The following AP3B1 variants were observed in gnomAD, a reference collection of about 807,000 sequenced individuals.
AP3B1 encodes AP-3 complex subunit beta-1.
Under a neutral mutation model 132.5 loss-of-function variants are expected in AP3B1, and 61 were observed. The observed-to-expected ratio is 0.46, with a 90% CI of 0.37 to 0.57. The LOEUF is 0.57. Among genes scored for constraint, AP3B1 ranks in the 20% least tolerant of loss-of-function variants. The pLI is 0.00. For missense variants in AP3B1, 1,120 were observed against 1,289.4 expected, an observed-to-expected ratio of 0.87 and a Z score of 2.01; for synonymous variants, 388 against 438.3, an observed-to-expected ratio of 0.89 and a Z score of 1.43.
intron 2 of AP3B1, among the ~76,000 whole-genome samples, chr5:78,251,420 CAGA>C (rs1303740397): frequency 6.6e-6 from 1 of 152,174 alleles, no homozygotes; most frequent in African/African-American, 2.4e-5. Flanking sequence ...GAAAGAAGCA[CAGA>C]AGAGATTAAA....
intron 2 of AP3B1, among the ~76,000 whole-genome samples, chr5:78,252,550 T>C (rs759593120): frequency 6.6e-5 from 10 of 152,128 alleles, no homozygotes; most frequent in African/African-American, 2.2e-4. Flanking sequence ...TTAAGAGACC[T>C]TGGGCGTTAA....
intron 7 of AP3B1, among the ~76,000 whole-genome samples, chr5:78,195,647 G>A (rs960424236): frequency 7.9e-5 from 12 of 151,954 alleles, no homozygotes; most frequent in Non-Finnish European, 1.2e-4. Context: ...GTAAAACCCT[G>A]TCTCTAATAA....
chr5:78,004,163 T>C (rs1281351005), intron 26 of AP3B1, among the ~76,000 whole-genome samples: 1 of 152,136 alleles, frequency 6.6e-6, no homozygotes, highest in South Asian at 2.1e-4. Context: ...CTGCCTCAAT[T>C]TGCGCAACAT....
At chr5:78,057,418 T>C (rs1215538721) in intron 22 of AP3B1, among the ~76,000 whole-genome samples, 1 of 152,138 alleles carries the variant, frequency 6.6e-6, no homozygotes, top group Non-Finnish European at 1.5e-5. Flanking sequence ...ACAGTAATCT[T>C]TGAAAAAAAG....
intron 22 of AP3B1, among the ~76,000 whole-genome samples, chr5:78,076,460 TAA>T (rs1749772195): frequency 6.6e-6 from 1 of 152,224 alleles, no homozygotes; most frequent in African/African-American, 2.4e-5. Context: ...TCCCCAGTGA[TAA>T]AAGTGTCTTT....
chr5:78,117,019 T>G (rs1373790621), intron 17 of AP3B1, among the ~76,000 whole-genome samples: 2 of 151,954 alleles, frequency 1.3e-5, no homozygotes, highest in East Asian at 3.9e-4. Flanking sequence ...TCCACAACTG[T>G]CCCCGTCGCC....
At chr5:78,092,238 A>G (rs934130071) in intron 21 of AP3B1, among the ~76,000 whole-genome samples, 2 of 152,254 alleles carry the variant, frequency 1.3e-5, no homozygotes, top group Non-Finnish European at 2.9e-5. Context: ...GCTAAATACC[A>G]TCAAGAGACA....
intron 5 of AP3B1, among the ~76,000 whole-genome samples, chr5:78,226,768 G>A (rs4524490): frequency 0.33 from 50,708 of 151,866 alleles, 8,574 homozygotes; most frequent in Middle Eastern, 0.43. Flanking sequence ...CCAAATTGTT[G>A]TAGACAATTC....
intron 14 of AP3B1, among the ~76,000 whole-genome samples, chr5:78,145,233 T>C (rs1188743108): frequency 1.3e-5 from 2 of 152,248 alleles, no homozygotes; most frequent in Non-Finnish European, 2.9e-5. Context: ...ATAAAATCTA[T>C]GTTCTCTTTT....
chr5:78,075,272 T>C (rs913644378), intron 22 of AP3B1, among the ~76,000 whole-genome samples: 3 of 152,196 alleles, frequency 2.0e-5, no homozygotes, highest in African/African-American at 7.2e-5. Flanking sequence ...TCAATCACAA[T>C]AGTTACTATT....
chr5:78,113,645 T>C, intron 19 of AP3B1, 107 bp downstream of exon 19: 2 of 1,270,626 alleles, frequency 1.6e-6, no homozygotes, highest in East Asian at 2.3e-5. Flanking sequence ...TGGAAAAAAA[T>C]ACACACTTTT....
At chr5:78,195,514 T>G (rs533383467) in intron 7 of AP3B1, among the ~76,000 whole-genome samples, 22 of 152,252 alleles carry the variant, frequency 1.4e-4, no homozygotes, top group Non-Finnish European at 2.9e-4. Flanking sequence ...CAACAAATGA[T>G]GCTGGAACAA....
intron 18 of AP3B1, among the ~76,000 whole-genome samples, chr5:78,114,220 T>C (rs1273210827): frequency 6.6e-6 from 1 of 152,164 alleles, no homozygotes; most frequent in Non-Finnish European, 1.5e-5. Flanking sequence ...CCCCAAAGTA[T>C]ATAGCTATGT....
intron 21 of AP3B1, among the ~76,000 whole-genome samples, chr5:78,096,020 C>G (rs540063098): frequency 6.6e-6 from 1 of 152,180 alleles, no homozygotes; most frequent in Non-Finnish European, 1.5e-5. Context: ...GTCCCTCTCC[C>G]TTTCCCTCTC....
intron 17 of AP3B1, among the ~76,000 whole-genome samples, chr5:78,124,095 A>G (rs1186342331): frequency 6.6e-6 from 1 of 152,212 alleles, no homozygotes; most frequent in African/African-American, 2.4e-5. Context: ...AACTATCACA[A>G]GGACAAAAAA....
chr5:78,259,359 A>G (rs887922292), intron 2 of AP3B1, among the ~76,000 whole-genome samples: 7 of 152,172 alleles, frequency 4.6e-5, no homozygotes, highest in African/African-American at 1.4e-4. Context: ...AAGGATGGTT[A>G]CCAGAGGCTG....
In AP3B1 at chr5:78,002,663, A is replaced by G. The variant is rs1164467388; in HGVS notation, c.*239T>C. On this transcript the variant is annotated 3_prime_UTR_variant, in exon 27 of 27. Coordinates refer to ENST00000255194, the MANE Select transcript of AP3B1 (RefSeq NM_003664.5). Reference sequence around the variant, plus strand: ...GACAGAGAAAACGCCACATGGATTCAAGAGTTGAGACAACTGACAGTAAAA... The same window carrying G: ...GACAGAGAAAACGCCACATGGATTCGAGAGTTGAGACAACTGACAGTAAAA... The G allele has an allele frequency of 6.6e-6, 4 of 609,344 alleles. No individual in the cohort carries two copies. 37.7% of individuals were successfully genotyped at this position (609,344 alleles called of 1,614,324 possible). A position where few individuals can be genotyped will look rare whatever the true frequency, so the allele number is the denominator to read the frequency against.
At position 78,267,504 on chromosome 5, in the gene AP3B1, T is replaced by G; in HGVS notation, c.204+16A>C. 3 of 1,572,844 alleles carry G rather than the reference T, an allele frequency of 1.9e-6. No individual in the cohort carries two copies. Among genetic ancestry groups the G allele is most frequent in the Admixed American group, 1.7e-5 (1 of 59,406 alleles). On this transcript the variant is annotated intron_variant, in intron 2 of 26. Transcript: ENST00000255194. ...TCCATTTTTCCAAAATTGAAGTAAA[T>G]GAGTATTTTACCTACCCCAACAATC... is the stretch of plus-strand genomic sequence containing the variant.
chr5:78,083,447 C>T (rs1053685291), intron 22 of AP3B1, among the ~76,000 whole-genome samples: 3 of 152,166 alleles, frequency 2.0e-5, no homozygotes, highest in Non-Finnish European at 4.4e-5. Flanking sequence ...TTCTTACACA[C>T]AAAATTGTCT....
Sources: allele counts gnomAD v4.1 joint callset (sites outside exome capture counted in the v4.1 genomes callset), GRCh38; gene constraint gnomAD v4.1.1; transcripts MANE v1.5; gene names NCBI Gene and HGNC (gene_info 2026-07-23, HGNC 2026-07-21).